CSMD1: variants seen among roughly 807,000 people sequenced by gnomAD.
CSMD1 encodes CUB and Sushi multiple domains 1.
CSMD1 carries 213 observed loss-of-function variants against 417.5 expected under a neutral mutation model. That is an observed-to-expected ratio of 0.51 (90% CI 0.46 to 0.57). The LOEUF (loss-of-function observed/expected upper bound fraction) is 0.57. CSMD1 is among the 20% of genes least tolerant of loss of function. The pLI is 0.00. For synonymous variants in CSMD1, 2,862 were observed against 1,736.8 expected, an observed-to-expected ratio of 1.65 and a Z score of -16.11; for missense variants, 6,923 against 4,529.7, an observed-to-expected ratio of 1.53 and a Z score of -15.17.
At chr8:3,212,311 A>C (rs1413270344) in intron 30 of CSMD1, among the ~76,000 whole-genome samples, 3 of 152,228 alleles carry the variant, frequency 2.0e-5, no homozygotes, top group Non-Finnish European at 4.4e-5. Flanking sequence ...CATGACTAGA[A>C]AGGACTGATG....
chr8:4,254,209 G>A (rs962301200), intron 3 of CSMD1, among the ~76,000 whole-genome samples: 10 of 152,022 alleles, frequency 6.6e-5, no homozygotes, highest in East Asian at 3.9e-4. Context: ...GAGCCACCAC[G>A]CCAAGCCTTT....
At chr8:3,382,833 G>A (rs1174268508) in intron 18 of CSMD1, among the ~76,000 whole-genome samples, 3 of 151,750 alleles carry the variant, frequency 2.0e-5, no homozygotes, top group African/African-American at 7.3e-5. Context: ...CTTTTAGTGT[G>A]CATATAGCAA....
Position 3,854,201 on chromosome 8 carries a change from G to A in CSMD1, c.819-100159C>T, listed in dbSNP as rs1446602152. 2.0e-5 allele frequency among the ~76,000 whole-genome samples: 3 copies of A among 147,632 alleles called. No individual in the cohort carries two copies. The East Asian group carries it at 5.9e-4, about 29-fold the overall frequency. On this transcript the variant is annotated intron_variant, in intron 5 of 69. Transcript: ENST00000635120. ...GTCTTGGAAATGGACCAATTCTCAT[G>A]CTTTGGGAACACTTAAAACATGTGA...
chr8:4,559,791 C>T (rs985896010), intron 2 of CSMD1, among the ~76,000 whole-genome samples: 2 of 152,246 alleles, frequency 1.3e-5, no homozygotes, highest in Admixed American at 1.3e-4. Context: ...CATTTTCCAC[C>T]TGAGACACAC....
In CSMD1 at chr8:3,040,387, A is replaced by AATATATATATAT. The variant is rs35722761; in HGVS notation, c.7661-10886_7661-10875dup. ...GGTGTAGATAGCATATACACATTGA[A>AATATATATATAT]ATATATATATATATATATATATATA... On this transcript the variant is annotated intron_variant, in intron 50 of 69. Transcript: ENST00000635120. Among the ~76,000 whole-genome samples the AATATATATATAT allele has an allele frequency of 5.0e-3, 687 of 137,468 alleles. 5 individuals are homozygous for AATATATATATAT. Among genetic ancestry groups the AATATATATATAT allele is most frequent in the Admixed American group, 0.012 (165 of 13,254 alleles). 90.2% of individuals were successfully genotyped at this position (137,468 alleles called of 152,430 possible).
intron 3 of CSMD1, among the ~76,000 whole-genome samples, chr8:4,079,349 T>C (rs760098601): frequency 1.2e-4 from 19 of 152,180 alleles, no homozygotes; most frequent in Non-Finnish European, 2.5e-4. Context: ...GAAATATACT[T>C]TCCATAATTT....
At chr8:3,439,623 G>A (rs1814839803) in intron 12 of CSMD1, among the ~76,000 whole-genome samples, 1 of 151,396 alleles carries the variant, frequency 6.6e-6, no homozygotes, top group African/African-American at 2.4e-5. Context: ...TTCTTTATAT[G>A]ATTTTTCTCC....
chr8:3,917,727 C>T (rs577211426), intron 5 of CSMD1, among the ~76,000 whole-genome samples: 24 of 152,142 alleles, frequency 1.6e-4, no homozygotes, highest in African/African-American at 5.5e-4. Context: ...TCCAAGAAAC[C>T]GTCACCACTC....
At chr8:4,051,743 A>G (rs1025691621) in intron 3 of CSMD1, among the ~76,000 whole-genome samples, 1 of 152,160 alleles carries the variant, frequency 6.6e-6, no homozygotes, top group Non-Finnish European at 1.5e-5. Flanking sequence ...AAAGGCAAAG[A>G]AACACCACTG....
intron 65 of CSMD1, among the ~76,000 whole-genome samples, chr8:2,953,822 T>A (rs1186627253): frequency 6.6e-6 from 1 of 152,232 alleles, no homozygotes; most frequent in Non-Finnish European, 1.5e-5. Context: ...CTGAACTGTT[T>A]ACATTAACAA....
chr8:4,924,646 T>C (rs978335948), intron 1 of CSMD1, among the ~76,000 whole-genome samples: 1 of 123,384 alleles, frequency 8.1e-6, no homozygotes, highest in Non-Finnish European at 1.6e-5. Context: ...TACTTGAAAC[T>C]GGGAGGTGGA....
At chr8:3,038,548 A>C (rs1563265818) in intron 50 of CSMD1, among the ~76,000 whole-genome samples, 2 of 151,906 alleles carry the variant, frequency 1.3e-5, no homozygotes, top group Non-Finnish European at 2.9e-5. Context: ...TCTTGTGGTT[A>C]TTTGTTTTGT....
chr8:4,513,893 T>C (rs1208964845), intron 2 of CSMD1, among the ~76,000 whole-genome samples: 3 of 152,226 alleles, frequency 2.0e-5, no homozygotes, highest in Non-Finnish European at 4.4e-5. Context: ...CAGTGGTTCC[T>C]AGGTATTGCT....
At chr8:4,644,686 G>C (rs75681826) in intron 1 of CSMD1, among the ~76,000 whole-genome samples, 2 of 152,220 alleles carry the variant, frequency 1.3e-5, no homozygotes, top group Non-Finnish European at 2.9e-5. Context: ...TGGAATTACA[G>C]GTGTGAGCCA....
At chr8:4,552,880 T>A (rs1263315419) in intron 2 of CSMD1, among the ~76,000 whole-genome samples, 1 of 152,178 alleles carries the variant, frequency 6.6e-6, no homozygotes, top group Non-Finnish European at 1.5e-5. Flanking sequence ...GCTCTTCTTT[T>A]AAACCTCTTC....
At chr8:4,077,115 T>G (rs553544110) in intron 3 of CSMD1, among the ~76,000 whole-genome samples, 1 of 151,744 alleles carries the variant, frequency 6.6e-6, no homozygotes, top group African/African-American at 2.4e-5. Flanking sequence ...TTCATTTTAG[T>G]GATGAGTATG....
intron 1 of CSMD1, among the ~76,000 whole-genome samples, chr8:4,953,629 T>C (rs1021109799): frequency 9.8e-5 from 15 of 152,298 alleles, no homozygotes; most frequent in South Asian, 2.1e-4. Context: ...GCAATACTCA[T>C]AGAAATACAC....
chr8:4,590,718 T>C lies in CSMD1; in HGVS notation c.302+46624A>G, dbSNP rs1223284187. On this transcript the variant is annotated intron_variant, in intron 2 of 69. Coordinates refer to ENST00000635120, the MANE Select transcript of CSMD1 (RefSeq NM_033225.6). The stretch of plus-strand genomic sequence containing the variant: ...AAGCACTGAATAGATAGATTTTTTG[T>C]TGTTTGTTGCTTTTATGCTTTTGGT... Among the ~76,000 whole-genome samples, 6 of 152,178 alleles carry C rather than the reference T, an allele frequency of 3.9e-5. No homozygotes were observed. In the South Asian group the frequency reaches 1.0e-3, roughly 26 times the overall value.
chr8:3,270,322 C>T (rs1245886604), intron 26 of CSMD1, among the ~76,000 whole-genome samples: 1 of 152,082 alleles, frequency 6.6e-6, no homozygotes, highest in Non-Finnish European at 1.5e-5. Context: ...TCCCAAAGTC[C>T]TGGGATTACA....
Sources: allele counts gnomAD v4.1 joint callset (sites outside exome capture counted in the v4.1 genomes callset), GRCh38; gene constraint gnomAD v4.1.1; transcripts MANE v1.5; gene names NCBI Gene and HGNC (gene_info 2026-07-23, HGNC 2026-07-21).